The following HELLS variants were observed in gnomAD, a reference collection of about 807,000 sequenced individuals.
The protein encoded by HELLS is lymphoid-specific helicase.
A neutral mutation model predicts 120.0 loss-of-function variants in HELLS; 32 were observed. The observed-to-expected ratio is 0.27, with a 90% CI of 0.20 to 0.36. The LOEUF (loss-of-function observed/expected upper bound fraction) is 0.36, where lower values mean the gene tolerates loss of function less well. HELLS is among the 10% of genes least tolerant of loss of function. The pLI is 1.00. For missense variants in HELLS, 650 were observed against 993.4 expected (o/e 0.65, Z 4.65); for synonymous variants, 341 against 323.4 (o/e 1.05, Z -0.58).
chr10:94,591,920 A>G (rs1438785234), intron 15 of HELLS, among the ~76,000 whole-genome samples: 1 of 152,262 alleles, frequency 6.6e-6, no homozygotes, highest in East Asian at 1.9e-4. Context: ...CTTATAAAGA[A>G]TAAGCCTGAG....
chr10:94,562,701 C>A lies in HELLS; in HGVS notation c.344C>A (p.Ser115Ter). The A allele has an allele frequency of 6.3e-7, 1 of 1,585,924 alleles. No individual in the cohort carries two copies. The highest frequency in any genetic ancestry group is 1.7e-5 in the Admixed American group (1 of 58,084). ...ESLKVKKGKNSIDASEEKPVM... is the reference protein window; with the variant it reads ...ESLKVKKGKN ...ATCCTTGTTTTGTAGGGTAAAAATT[C>A]AATTGATGCAAGTGAAGAGAAGCCA... The change falls in exon 5 of 22, where the codon TCA (serine) becomes TAA (stop). Residue 115 changes from serine (S) to a stop codon, truncating the protein, a stop_gained. Coordinates refer to ENST00000348459, the MANE Select transcript of HELLS (RefSeq NM_018063.5). LOFTEE classifies it high-confidence loss of function.
chr10:94,581,282 T>G, intron 10 of HELLS, 44 bp from the exon 11 acceptor site: 151 of 1,207,106 alleles, frequency 1.3e-4, no homozygotes, highest in Non-Finnish European at 1.6e-4. Flanking sequence ...AGAAAAATTG[T>G]GAGATCATTG....
At chr10:94,605,611 TC>T (rs1441582284), downstream of HELLS, among the ~76,000 whole-genome samples, 4 of 151,920 alleles carry the variant, frequency 2.6e-5, no homozygotes, top group African/African-American at 9.7e-5. Context: ...TCTCAGAACT[TC>T]CAGTGTTGTG....
intron 12 of HELLS, among the ~76,000 whole-genome samples, chr10:94,586,124 T>G (rs1845131970): frequency 6.9e-6 from 1 of 145,048 alleles, no homozygotes; most frequent in South Asian, 2.2e-4. Flanking sequence ...TTTATTTATT[T>G]ATTTTTATTT....
At chr10:94,598,059 G>C (rs1394702331) in intron 21 of HELLS, among the ~76,000 whole-genome samples, 1 of 150,640 alleles carries the variant, frequency 6.6e-6, no homozygotes, top group African/African-American at 2.4e-5. Flanking sequence ...GATGCCTACA[G>C]TGATGACCAT....
intron 19 of HELLS, among the ~76,000 whole-genome samples, chr10:94,595,577 T>C (rs1218410153): frequency 1.3e-5 from 2 of 152,212 alleles, no homozygotes; most frequent in Non-Finnish European, 2.9e-5. Flanking sequence ...CACTTTTTTT[T>C]CCTTTTTCAT....
chr10:94,567,751 A>G (rs1843895308), intron 6 of HELLS, among the ~76,000 whole-genome samples: 2 of 152,092 alleles, frequency 1.3e-5, no homozygotes, highest in Admixed American at 1.3e-4. Context: ...ACAAAAAGAA[A>G]TACAGAAATA....
At chr10:94,558,322 C>T in intron 4 of HELLS, 127 bp downstream of exon 4, 2 of 1,135,204 alleles carry the variant, frequency 1.8e-6, no homozygotes, top group South Asian at 2.0e-5. Flanking sequence ...AACTTTGTTA[C>T]AAGCAATGCA....
intron 13 of HELLS, among the ~76,000 whole-genome samples, chr10:94,589,976 C>T (rs905311017): frequency 6.6e-6 from 1 of 152,016 alleles, no homozygotes; most frequent in African/African-American, 2.4e-5. Flanking sequence ...CGTGAGCCAC[C>T]GTACCCGGCC....
chr10:94,554,337 C>CAGATTTTACTTA (rs1433712555), intron 3 of HELLS, 89 bp downstream of exon 3: 2 of 951,826 alleles, frequency 2.1e-6, no homozygotes, highest in Non-Finnish European at 3.0e-6. Context: ...GTAAAATGGA[C>CAGATTTTACTTA]AGATTTTAAG....
rs753661187 is a variant in HELLS, at chr10:94,593,452, G to C, written c.1972-47G>C. 3.4e-6 allele frequency: 4 copies of C among 1,175,244 alleles called. No homozygotes were observed. In the East Asian group the frequency reaches 9.4e-5, roughly 28 times the overall value. 72.8% of individuals were successfully genotyped at this position (1,175,244 alleles called of 1,614,324 possible). A position where few individuals can be genotyped will look rare whatever the true frequency, so the allele number is the denominator to read the frequency against. On this transcript the variant is annotated intron_variant, in intron 17 of 21. Coordinates refer to ENST00000348459, the MANE Select transcript of HELLS (RefSeq NM_018063.5). ...AACATTTTTCTCCTTCAGTCTTGTT[G>C]GTTAATTTATTTTAATCTGTTGTAT...
intron 10 of HELLS, among the ~76,000 whole-genome samples, chr10:94,579,857 G>C (rs532019396): frequency 6.6e-6 from 1 of 152,110 alleles, no homozygotes; most frequent in African/African-American, 2.4e-5. Context: ...ATAACATGAA[G>C]ACCCTTCCTG....
chr10:94,576,846 C>A, intron 10 of HELLS, 41 bp downstream of exon 10: 1 of 1,517,288 alleles, frequency 6.6e-7, no homozygotes. Context: ...ATACATAAAA[C>A]ATGCTTTTCT....
At chr10:94,554,644 G>GTTTTTTTTTT (rs199878580) in intron 3 of HELLS, among the ~76,000 whole-genome samples, 2 of 103,072 alleles carry the variant, frequency 1.9e-5, no homozygotes. Context: ...AAGTAATAGT[G>GTTTTTTTTTT]TTTTTTTTTT....
chr10:94,590,795 T>C lies in HELLS; in HGVS notation c.1767+19T>C. The C allele has an allele frequency of 7.4e-7, 1 of 1,347,448 alleles. No homozygotes were observed. Among genetic ancestry groups the C allele is most frequent in the Non-Finnish European group, 1.0e-6 (1 of 988,602 alleles). 83.5% of individuals were successfully genotyped at this position (1,347,448 alleles called of 1,614,324 possible). A position where few individuals can be genotyped will look rare whatever the true frequency, so the allele number is the denominator to read the frequency against. ...ATTTAAGGTGAATACTGTTTAATTC[T>C]AATTTACTGTTTTGATTTCCATTAC... On this transcript the variant is annotated intron_variant, in intron 15 of 21. Coordinates refer to ENST00000348459, the MANE Select transcript of HELLS (RefSeq NM_018063.5).
chr10:94,582,140 C>T (rs1328161586), intron 11 of HELLS, among the ~76,000 whole-genome samples: 2 of 152,142 alleles, frequency 1.3e-5, no homozygotes, highest in East Asian at 1.9e-4. Flanking sequence ...ATAATTTATA[C>T]TTGTTTTGGC....
chr10:94,550,745 C>T (rs1262875478), intron 2 of HELLS, among the ~76,000 whole-genome samples: 1 of 151,986 alleles, frequency 6.6e-6, no homozygotes. Context: ...AAAAAACTAG[C>T]CGGCATGGTG....
chr10:94,607,947 C>T (rs573854962), exon 9 of HELLS: 2 of 426,658 alleles, frequency 4.7e-6, no homozygotes, highest in South Asian at 1.6e-5. Flanking sequence ...TGACTGGTCC[C>T]GAACTGATCT....
rs568790070 is a variant in HELLS at position 94,546,371 on chromosome 10, C to G, written c.32-6C>G. On this transcript the variant is annotated splice_polypyrimidine_tract_variant and splice_region_variant and intron_variant, in intron 1 of 21. Coordinates refer to ENST00000348459, the MANE Select transcript of HELLS (RefSeq NM_018063.5). ...ACTGCAATTTGAAAGCTTTCTCCCC[C>G]GTCAGGCTCGGAGGCTCCAGCAATG... is the stretch of plus-strand genomic sequence containing the variant. The G allele has an allele frequency of 6.2e-7, 1 of 1,614,028 alleles. No individual in the cohort carries two copies. The highest frequency in any genetic ancestry group is 1.1e-5 in the South Asian group (1 of 91,064).
Sources: gnomAD v4.1 joint callset for allele counts (sites outside exome capture counted in the v4.1 genomes callset) on GRCh38, gnomAD v4.1.1 for gene constraint, MANE v1.5 for transcripts, NCBI Gene and HGNC (gene_info 2026-07-23, HGNC 2026-07-21) for gene names.